GPRASP1: variants seen among roughly 807,000 people sequenced by gnomAD.
GPRASP1 encodes G protein-coupled receptor associated sorting protein 1, also known as G protein-coupled receptor-associated sorting protein 1.
Under a neutral mutation model 68.4 loss-of-function variants are expected in GPRASP1, and 28 were observed. That is an observed-to-expected ratio of 0.41 (90% CI 0.30 to 0.56). The LOEUF is 0.56. Ranked by LOEUF, GPRASP1 falls within the 20% of genes least tolerant of loss-of-function variation. The probability of loss-of-function intolerance (pLI) is 0.29; values close to 1 mark genes in which losing one functional copy is unlikely to be tolerated. For missense variants in GPRASP1, 913 were observed against 1,031.5 expected (o/e 0.89, Z 1.57); for synonymous variants, 304 against 358.2 (o/e 0.85, Z 1.71).
In GPRASP1 at chrX:102,653,766, T is replaced by C; in HGVS notation, c.-148T>C. The C allele has an allele frequency of 2.0e-6, 1 of 504,076 alleles. No homozygotes were observed. Among genetic ancestry groups the C allele is most frequent in the Non-Finnish European group, 3.5e-6 (1 of 287,236 alleles). The allele number at this position is 504,076 out of a possible 1,213,427, so 41.5% of individuals were successfully genotyped here. A position where few individuals can be genotyped will look rare whatever the true frequency, so the allele number is the denominator to read the frequency against. ...GAAGGAGGCTGAGTGACTACTGGAC[T>C]GGATATTGACTCTAACTCTTGTTTC... On this transcript the variant is annotated 5_prime_UTR_variant, in exon 6 of 6. Coordinates refer to ENST00000537097, the MANE Select transcript of GPRASP1 (RefSeq NM_001184727.2).
Position 102,657,776 on chromosome X carries a change from G to T in GPRASP1, c.3863G>T (p.Gly1288Val), listed in dbSNP as rs1361592047. The T allele has an allele frequency of 1.7e-6, 2 of 1,207,303 alleles. No homozygotes were observed. The highest frequency in any genetic ancestry group is 2.2e-6 in the Non-Finnish European group (2 of 891,840). The change falls in exon 6 of 6, where the codon GGC (glycine) becomes GTC (valine). Residue 1288 changes from glycine to valine, a missense_variant. Coordinates refer to ENST00000537097, the MANE Select transcript of GPRASP1 (RefSeq NM_001184727.2). ...MSGFLSLLAT[G>V]NAKTRFHVLK... Reference sequence around the variant, plus strand: ...GGGTTTCTCTCCTTATTAGCTACAGGCAATGCCAAAACAAGGTTTCATGTT... The same window carrying T: ...GGGTTTCTCTCCTTATTAGCTACAGTCAATGCCAAAACAAGGTTTCATGTT...
chrX:102,656,950 C>T lies in GPRASP1; in HGVS notation c.3037C>T (p.His1013Tyr). Residue 1013 changes from histidine to tyrosine, a missense_variant, in exon 6 of 6, where the codon CAT becomes TAT. Transcript: ENST00000537097. ...CTGGTTCTGGGCAGGAGATGAGGCC[C>T]ATTTTGAATCAAATCCTAGCCCCGT... ...GSWFWAGDEA[H>Y]FESNPSPVFR... is the part of the protein sequence containing the mutation. The T allele has an allele frequency of 8.3e-7, 1 of 1,211,146 alleles. No homozygotes were observed. Among genetic ancestry groups the T allele is most frequent in the Non-Finnish European group, 1.1e-6 (1 of 895,220 alleles).
In GPRASP1 at chrX:102,657,204, T is replaced by G. The variant is rs1569484995; in HGVS notation, c.3291T>G (p.Asp1097Glu). 2.5e-6 allele frequency: 3 copies of G among 1,209,506 alleles called. No individual in the cohort carries two copies. The highest frequency in any genetic ancestry group is 3.4e-6 in the Non-Finnish European group (3 of 894,801). The change falls in exon 6 of 6, where the codon GAT becomes GAG. Residue 1097 changes from aspartate to glutamate, a missense_variant. Transcript: ENST00000537097. ...RNMVLSPEGE[D>E]QESLLQPDQP... Reference sequence around the variant, plus strand: ...TGGTACTTAGCCCAGAAGGGGAAGATCAGGAATCTTTGCTTCAGCCTGATC... The same window carrying G: ...TGGTACTTAGCCCAGAAGGGGAAGAGCAGGAATCTTTGCTTCAGCCTGATC...
At position 102,656,286 on chromosome X, in the gene GPRASP1, A is replaced by G; in HGVS notation, c.2373A>G (p.Leu791=). 1 of 1,203,639 alleles carries G rather than the reference A, an allele frequency of 8.3e-7. No individual in the cohort carries two copies. Among genetic ancestry groups the G allele is most frequent in the Non-Finnish European group, 1.1e-6 (1 of 892,251 alleles). The change falls in exon 6 of 6, where the codon CTA becomes CTG. Residue 791 remains leucine, a synonymous_variant. Transcript: ENST00000537097. The part of the protein sequence containing the change: ...SWFWAGEEDR[L]EPAAETREED... The stretch of plus-strand genomic sequence containing the variant: ...TCTGGGCTGGAGAAGAGGACAGACT[A>G]GAGCCAGCTGCTGAGACTAGAGAAG...
chrX:102,656,685 C>T lies in GPRASP1; in HGVS notation c.2772C>T (p.Cys924=). The T allele has an allele frequency of 1.7e-6, 2 of 1,210,322 alleles. No individual in the cohort carries two copies. The highest frequency in any genetic ancestry group is 2.2e-6 in the Non-Finnish European group (2 of 894,418). ...AAGTCAGTGAAGAAGCAGGACCATG[C>T]TGTGTATCCAAGCCAGAGGATGATG... ...GKEVSEEAGP[C]CVSKPEDDEE... Residue 924 remains cysteine, a synonymous_variant, in exon 6 of 6, where the codon TGC becomes TGT. Coordinates refer to ENST00000537097, the MANE Select transcript of GPRASP1 (RefSeq NM_001184727.2).
At position 102,657,674 on chromosome X, in the gene GPRASP1, A is replaced by G. The variant is rs776860691; in HGVS notation, c.3761A>G (p.Gln1254Arg). The change falls in exon 6 of 6, where the codon CAG becomes CGG. Residue 1254 changes from glutamine (Q) to arginine (R), a missense_variant. Coordinates refer to ENST00000537097, the MANE Select transcript of GPRASP1 (RefSeq NM_001184727.2). ...TLAYSVDSPEQLSGIRMIRHL... is the reference protein window; with the variant it reads ...TLAYSVDSPERLSGIRMIRHL... ...GCTTATAGCGTGGATTCCCCGGAACAGCTGTCTGGAATAAGGATGATTAGA... is the reference window on the plus strand; with the variant it reads ...GCTTATAGCGTGGATTCCCCGGAACGGCTGTCTGGAATAAGGATGATTAGA... 8.3e-6 allele frequency: 10 copies of G among 1,211,726 alleles called. No homozygotes were observed. The East Asian group carries it at 2.7e-4, about 32-fold the overall frequency.
Position 102,656,389 on chromosome X carries a change from G to A in GPRASP1, c.2476G>A (p.Ala826Thr). 8.3e-7 allele frequency: 1 copy of A among 1,205,893 alleles called. No homozygotes were observed. Residue 826 changes from alanine (A) to threonine (T), a missense_variant, in exon 6 of 6, where the codon GCT becomes ACT. By Grantham distance (58) the Ala-to-Thr change is moderately conservative. Transcript: ENST00000537097. ...CAGAGAAGAGACCATTAGAAGAGAG[G>A]CTGGGTCTTGCAGCAAATCCAGTCC... is the stretch of plus-strand genomic sequence containing the variant. ...GAREETIRRE[A>T]GSCSKSSPKA... is the part of the protein sequence containing the mutation.
intron 3 of GPRASP1, among the ~76,000 whole-genome samples, chrX:102,652,559 G>A (rs2081365328): frequency 8.8e-6 from 1 of 113,415 alleles, no homozygotes; most frequent in Admixed American, 9.2e-5. Flanking sequence ...CTGCTGCGCA[G>A]AGCAAGGGGA....
At position 102,657,054 on chromosome X, in the gene GPRASP1, G is replaced by C. The variant is rs1342270200; in HGVS notation, c.3141G>C (p.Glu1047Asp). 1 of 1,211,201 alleles carries C rather than the reference G, an allele frequency of 8.3e-7. No homozygotes were observed. The highest frequency in any genetic ancestry group is 1.1e-6 in the Non-Finnish European group (1 of 894,880). Reference sequence around the variant, plus strand: ...CACGCAGGCCTCAGAGTTGGGAGGAGGTCACTGTTCAGTTCAAGCCTGGTC... The same window carrying C: ...CACGCAGGCCTCAGAGTTGGGAGGACGTCACTGTTCAGTTCAAGCCTGGTC... ...DPSRRPQSWE[E>D]VTVQFKPGPW... The change falls in exon 6 of 6, where the codon GAG (glutamate) becomes GAC (aspartate). Residue 1047 changes from glutamate (E) to aspartate (D), a missense_variant. By Grantham distance (45) the Glu-to-Asp change is conservative (BLOSUM62 2). Coordinates refer to ENST00000537097, the MANE Select transcript of GPRASP1 (RefSeq NM_001184727.2).
Position 102,655,395 on chromosome X carries a change from A to G in GPRASP1, c.1482A>G (p.Glu494=). ...AATCTATACTAGCAGCTGATGATGA[A>G]CAGGTCATTATTGGTTCCTGGTTCT... ...TSESILAADD[E]QVIIGSWFWA... The change falls in exon 6 of 6, where the codon GAA becomes GAG. Residue 494 remains glutamate (E), a synonymous_variant. Transcript: ENST00000537097. 8.3e-7 allele frequency: 1 copy of G among 1,211,587 alleles called. No homozygotes were observed.
chrX:102,657,783 C>G lies in GPRASP1; in HGVS notation c.3870C>G (p.Ala1290=), dbSNP rs1215353587. The change falls in exon 6 of 6, where the codon GCC becomes GCG. Residue 1290 remains alanine (A), a synonymous_variant. Transcript: ENST00000537097. ...GFLSLLATGN[A]KTRFHVLKML... Reference sequence around the variant, plus strand: ...TCTCCTTATTAGCTACAGGCAATGCCAAAACAAGGTTTCATGTTTTGAAAA... The same window carrying G: ...TCTCCTTATTAGCTACAGGCAATGCGAAAACAAGGTTTCATGTTTTGAAAA... 3 of 1,206,320 alleles carry G rather than the reference C, an allele frequency of 2.5e-6. No individual in the cohort carries two copies. In the East Asian group the frequency reaches 8.9e-5, roughly 36 times the overall value.
In GPRASP1 at chrX:102,657,985, G is replaced by T; in HGVS notation, c.4072G>T (p.Asp1358Tyr). ...NIKKETVFSD[D>Y]DFNIEPLISA... ...CAAAAAAGAAACAGTGTTCTCTGAT[G>T]ATGATTTCAATATTGAGCCGCTTAT... Residue 1358 changes from aspartate (D) to tyrosine (Y), a missense_variant, in exon 6 of 6, where the codon GAT becomes TAT. Transcript: ENST00000537097. 1 of 1,189,284 alleles carries T rather than the reference G, an allele frequency of 8.4e-7. No individual in the cohort carries two copies. Among genetic ancestry groups the T allele is most frequent in the Non-Finnish European group, 1.1e-6 (1 of 875,369 alleles).
rs756526202 is a variant in GPRASP1 at position 102,656,789 on chromosome X, C to A, written c.2876C>A (p.Ser959Tyr). 1 of 1,210,436 alleles carries A rather than the reference C, an allele frequency of 8.3e-7. No homozygotes were observed. Among genetic ancestry groups the A allele is most frequent in the Admixed American group, 2.2e-5 (1 of 45,977 alleles). The stretch of plus-strand genomic sequence containing the variant: ...ACTGGAACTGTGGCCACCTGTGAGT[C>A]CAAGCCAGAAAATGAGGAAGGGGCC... The part of the protein sequence containing the change: ...KETGTVATCE[S>Y]KPENEEGAIV... The change falls in exon 6 of 6, where the codon TCC becomes TAC. Residue 959 changes from serine to tyrosine, a missense_variant. Ser to Tyr is a moderately radical substitution (Grantham distance 144, BLOSUM62 -2). Coordinates refer to ENST00000537097, the MANE Select transcript of GPRASP1 (RefSeq NM_001184727.2).
chrX:102,654,638 A>G lies in GPRASP1; in HGVS notation c.725A>G (p.Asn242Ser), dbSNP rs887869845. Reference protein sequence around the residue: ...EANTMSRSQTNQELYIASSSG... With the variant: ...EANTMSRSQTSQELYIASSSG... ...AATACCATGTCTAGGTCCCAAACTA[A>G]CCAGGAGCTCTATATTGCATCTAGT... The change falls in exon 6 of 6, where the codon AAC becomes AGC. Residue 242 changes from asparagine to serine, a missense_variant. Physicochemically the swap from Asn to Ser is conservative, Grantham distance 46. Transcript: ENST00000537097. 8.3e-7 allele frequency: 1 copy of G among 1,210,432 alleles called. No homozygotes were observed. The highest frequency in any genetic ancestry group is 1.1e-6 in the Non-Finnish European group (1 of 894,233).
rs147883400 is a variant in GPRASP1 at position 102,653,934 on chromosome X, G to C, written c.21G>C (p.Glu7Asp). MTGAEIESGAQVKPEKK... is the reference protein window; with the variant it reads MTGAEIDSGAQVKPEKK... ...GTACCATGACTGGGGCAGAGATTGAGTCTGGTGCCCAGGTCAAGCCTGAAA... is the reference window on the plus strand; with the variant it reads ...GTACCATGACTGGGGCAGAGATTGACTCTGGTGCCCAGGTCAAGCCTGAAA... The change falls in exon 6 of 6, where the codon GAG becomes GAC. Residue 7 changes from glutamate to aspartate, a missense_variant. By Grantham distance (45) the Glu-to-Asp change is conservative. Transcript: ENST00000537097. 1.2e-5 allele frequency: 15 copies of C among 1,208,584 alleles called. 1 individual carries two copies. In the Admixed American group the frequency reaches 2.2e-4, roughly 18 times the overall value.
rs759173871 is a variant in GPRASP1 at position 102,655,948 on chromosome X, G to C, written c.2035G>C (p.Ala679Pro). The C allele has an allele frequency of 8.3e-7, 1 of 1,211,448 alleles. No individual in the cohort carries two copies. The highest frequency in any genetic ancestry group is 2.2e-5 in the Admixed American group (1 of 46,043). Residue 679 changes from alanine to proline, a missense_variant, in exon 6 of 6, where the codon GCA becomes CCA. Ala to Pro is a conservative substitution (Grantham distance 27). Coordinates refer to ENST00000537097, the MANE Select transcript of GPRASP1 (RefSeq NM_001184727.2). ...GACCAATAATAAGTCTTGCTTCTGGGCAGAAAAAGAACCCTGTATGTATCC... is the reference window on the plus strand; with the variant it reads ...GACCAATAATAAGTCTTGCTTCTGGCCAGAAAAAGAACCCTGTATGTATCC... ...EETNNKSCFW[A>P]EKEPCMYPAG...
Position 102,658,516 on chromosome X carries a change from A to C in GPRASP1, c.*415A>C, listed in dbSNP as rs940457734. On this transcript the variant is annotated 3_prime_UTR_variant, in exon 6 of 6. Coordinates refer to ENST00000537097, the MANE Select transcript of GPRASP1 (RefSeq NM_001184727.2). Reference sequence around the variant, plus strand: ...AATGATAACACATGAACACACATAGAGATAATTAATATATGAATAATATGT... The same window carrying C: ...AATGATAACACATGAACACACATAGCGATAATTAATATATGAATAATATGT... 8.0e-6 allele frequency: 1 copy of C among 125,468 alleles called. No individual in the cohort carries two copies. Among genetic ancestry groups the C allele is most frequent in the African/African-American group, 3.3e-5 (1 of 30,754 alleles). The allele number at this position is 125,468 out of a possible 1,213,427, so 10.3% of individuals were successfully genotyped here. A position where few individuals can be genotyped will look rare whatever the true frequency, so the allele number is the denominator to read the frequency against.
In GPRASP1 at chrX:102,656,287, G is replaced by A. The variant is rs1376633471; in HGVS notation, c.2374G>A (p.Glu792Lys). 1.7e-5 allele frequency: 21 copies of A among 1,201,921 alleles called. No homozygotes were observed. Among genetic ancestry groups the A allele is most frequent in the Non-Finnish European group, 2.2e-5 (20 of 892,069 alleles). The part of the protein sequence containing the change: ...WFWAGEEDRL[E>K]PAAETREEDR... ...CTGGGCTGGAGAAGAGGACAGACTA[G>A]AGCCAGCTGCTGAGACTAGAGAAGA... The change falls in exon 6 of 6, where the codon GAG becomes AAG. Residue 792 changes from glutamate to lysine, a missense_variant. Coordinates refer to ENST00000537097, the MANE Select transcript of GPRASP1 (RefSeq NM_001184727.2).
In GPRASP1 at chrX:102,658,900, A is replaced by C. The variant is rs2081443407; in HGVS notation, c.*799A>C. On this transcript the variant is annotated 3_prime_UTR_variant, in exon 6 of 6. Coordinates refer to ENST00000537097, the MANE Select transcript of GPRASP1 (RefSeq NM_001184727.2). Reference sequence around the variant, plus strand: ...AGGGATTTGATTGAGTCAGGAAGACAATTTAATCATGATGGTACCATGGTA... The same window carrying C: ...AGGGATTTGATTGAGTCAGGAAGACCATTTAATCATGATGGTACCATGGTA... 8.1e-6 allele frequency: 1 copy of C among 123,087 alleles called. No homozygotes were observed. The highest frequency in any genetic ancestry group is 3.3e-5 in the African/African-American group (1 of 30,718). 10.1% of individuals were successfully genotyped at this position (123,087 alleles called of 1,213,427 possible). A position where few individuals can be genotyped will look rare whatever the true frequency, so the allele number is the denominator to read the frequency against.
Sources: allele counts gnomAD v4.1 joint callset (sites outside exome capture counted in the v4.1 genomes callset), GRCh38; gene constraint gnomAD v4.1.1; transcripts MANE v1.5; gene names NCBI Gene and HGNC (gene_info 2026-07-23, HGNC 2026-07-21).